The following PPP3CA variants were observed in gnomAD, a reference collection of about 807,000 sequenced individuals.
The protein encoded by PPP3CA is CAM-PRP catalytic subunit.
A neutral mutation model predicts 66.5 loss-of-function variants in PPP3CA; 14 were observed. The ratio of observed to expected loss-of-function variants is 0.21; its 90% confidence interval spans 0.14 to 0.33. The LOEUF (loss-of-function observed/expected upper bound fraction) is 0.33. Among genes scored for constraint, PPP3CA ranks in the 10% least tolerant of loss-of-function variants. The pLI, the probability that PPP3CA is intolerant of heterozygous loss-of-function variation, is 1.00. For synonymous variants in PPP3CA, 232 were observed against 226.2 expected (o/e 1.03, Z -0.23); for missense variants, 317 against 639.5 (o/e 0.50, Z 5.44).
chr4:101,126,102 G>A (rs189323099), intron 2 of PPP3CA, among the ~76,000 whole-genome samples: 8 of 152,304 alleles, frequency 5.3e-5, no homozygotes, highest in African/African-American at 1.2e-4. Flanking sequence ...AATAATGCAT[G>A]AGTTAAATTA....
chr4:101,206,954 A>G (rs963371175), intron 1 of PPP3CA, among the ~76,000 whole-genome samples: 1 of 152,208 alleles, frequency 6.6e-6, no homozygotes, highest in Non-Finnish European at 1.5e-5. Context: ...TGGATGCCAC[A>G]TGGTGTGGGG....
chr4:101,109,435 C>G (rs762445528), intron 2 of PPP3CA, among the ~76,000 whole-genome samples: 1 of 151,350 alleles, frequency 6.6e-6, no homozygotes, highest in Non-Finnish European at 1.5e-5. Flanking sequence ...CCTAAAAATG[C>G]CATGAGATAT....
intron 3 of PPP3CA, among the ~76,000 whole-genome samples, chr4:101,101,221 T>C (rs1466008393): frequency 6.6e-6 from 1 of 152,180 alleles, no homozygotes; most frequent in Non-Finnish European, 1.5e-5. Context: ...TAAAGCATCA[T>C]GATCTGTTGA....
intron 2 of PPP3CA, among the ~76,000 whole-genome samples, chr4:101,156,658 G>A (rs1217667809): frequency 3.4e-5 from 5 of 148,188 alleles, no homozygotes; most frequent in African/African-American, 7.7e-5. Flanking sequence ...CAACAAGAGC[G>A]AAACTGTGTC....
At chr4:101,169,334 AAAGAC>A (rs1723795578) in intron 2 of PPP3CA, among the ~76,000 whole-genome samples, 2 of 152,192 alleles carry the variant, frequency 1.3e-5, no homozygotes, top group Non-Finnish European at 1.5e-5. Context: ...AGTCAGCAGC[AAAGAC>A]AAGAATGAAT....
intron 1 of PPP3CA, among the ~76,000 whole-genome samples, chr4:101,272,347 G>A (rs905955914): frequency 6.6e-6 from 1 of 152,034 alleles, no homozygotes; most frequent in African/African-American, 2.4e-5. Flanking sequence ...TTATAAGTAC[G>A]TGGCAGTCAG....
In PPP3CA at chr4:101,170,784, T is replaced by C. The variant is rs12510485; in HGVS notation, c.259+25132A>G. ...GCCTATAATTAATCATTCTTATCTG[T>C]TCCCCAAATATCTTAAGCTTTCAAA... On this transcript the variant is annotated intron_variant, in intron 2 of 13. Coordinates refer to ENST00000394854, the MANE Select transcript of PPP3CA (RefSeq NM_000944.5). Among the ~76,000 whole-genome samples, 566 of 152,294 alleles carry C rather than the reference T, an allele frequency of 3.7e-3. 12 individuals carry two copies. The East Asian group carries it at 0.047, about 13-fold the overall frequency.
rs1028292739 is a variant in PPP3CA at position 101,024,602 on chromosome 4, GAACAA to G, written c.*1258_*1262del. On this transcript the variant is annotated 3_prime_UTR_variant, in exon 14 of 14. Coordinates refer to ENST00000394854, the MANE Select transcript of PPP3CA (RefSeq NM_000944.5). ...ATATTTTGTGGCACATGACAGAACA[GAACAA>G]AATAACTAAACTGTTATGACATTAA... 6 of 152,566 alleles carry G rather than the reference GAACAA, an allele frequency of 3.9e-5. No homozygotes were observed. Among genetic ancestry groups the G allele is most frequent in the African/African-American group, 1.4e-4 (6 of 41,440 alleles). 9.5% of individuals were successfully genotyped at this position (152,566 alleles called of 1,614,324 possible).
At chr4:101,217,338 C>T (rs1451356603) in intron 1 of PPP3CA, among the ~76,000 whole-genome samples, 1 of 152,136 alleles carries the variant, frequency 6.6e-6, no homozygotes, top group Non-Finnish European at 1.5e-5. Context: ...TGGATGCACA[C>T]TCAGGTATAT....
intron 1 of PPP3CA, among the ~76,000 whole-genome samples, chr4:101,234,213 C>A (rs570712387): frequency 6.6e-6 from 1 of 151,928 alleles, no homozygotes; most frequent in Middle Eastern, 3.4e-3. Context: ...TATATGTGTG[C>A]ATATATCTTT....
At chr4:101,310,321 C>T (rs1386803787) in intron 1 of PPP3CA, among the ~76,000 whole-genome samples, 1 of 152,164 alleles carries the variant, frequency 6.6e-6, no homozygotes, top group African/African-American at 2.4e-5. Context: ...TTAATGTAAT[C>T]ACACAAGACC....
intron 1 of PPP3CA, among the ~76,000 whole-genome samples, chr4:101,221,455 G>A (rs1388454680): frequency 1.2e-5 from 1 of 81,144 alleles, no homozygotes; most frequent in Non-Finnish European, 3.4e-5. Context: ...AAAATAAAAC[G>A]CATATTTTGA....
At chr4:101,147,149 C>G (rs1016886395) in intron 2 of PPP3CA, among the ~76,000 whole-genome samples, 1 of 152,176 alleles carries the variant, frequency 6.6e-6, no homozygotes, top group Non-Finnish European at 1.5e-5. Context: ...GAAGTCTAGG[C>G]TATTCCCATT....
chr4:101,207,913 T>C (rs1370055475), intron 1 of PPP3CA, among the ~76,000 whole-genome samples: 2 of 152,172 alleles, frequency 1.3e-5, no homozygotes, highest in Non-Finnish European at 2.9e-5. Context: ...AGAATAATGT[T>C]AATTCCCATG....
At chr4:101,029,257 T>TAAGA in intron 12 of PPP3CA, 62 bp from the exon 13 acceptor site, 1 of 1,433,592 alleles carries the variant, frequency 7.0e-7, no homozygotes, top group Non-Finnish European at 9.7e-7. Flanking sequence ...TTTTTAACTC[T>TAAGA]AAGAACAAAT....
chr4:101,252,847 T>C (rs1726721643), intron 1 of PPP3CA, among the ~76,000 whole-genome samples: 1 of 152,154 alleles, frequency 6.6e-6, no homozygotes, highest in Non-Finnish European at 1.5e-5. Context: ...TGCTCTCATA[T>C]CAGTTTCAGT....
intron 2 of PPP3CA, among the ~76,000 whole-genome samples, chr4:101,125,178 T>C (rs1440921424): frequency 6.6e-6 from 1 of 152,220 alleles, no homozygotes; most frequent in Non-Finnish European, 1.5e-5. Flanking sequence ...TTTGCAAATC[T>C]TGCCATTCAC....
chr4:101,106,437 GAAAGAAAGAAAGAAAGAGAAAA>G lies in PPP3CA; in HGVS notation c.384+2495_384+2516del, dbSNP rs1560604946. On this transcript the variant is annotated intron_variant, in intron 3 of 13. Coordinates refer to ENST00000394854, the MANE Select transcript of PPP3CA (RefSeq NM_000944.5). ...AGAAAGAAAGAAAGAAAGAAAGAAAGAAAGAAAGAAAGAAAGAGAAAAGAAAAGAAAAGAAAAGAAAAGAAAA... is the reference window on the plus strand; with the variant it reads ...AGAAAGAAAGAAAGAAAGAAAGAAAGGAAAAGAAAAGAAAAGAAAAGAAAA... Among the ~76,000 whole-genome samples the G allele has an allele frequency of 2.8e-3, 34 of 12,146 alleles. 10 individuals are homozygous for G. Among genetic ancestry groups the G allele is most frequent in the African/African-American group, 8.7e-3 (33 of 3,778 alleles). The allele number at this position is 12,146 out of a possible 152,430, so 8.0% of individuals were successfully genotyped here. A position where few individuals can be genotyped will look rare whatever the true frequency, so the allele number is the denominator to read the frequency against.
At chr4:101,207,787 C>G (rs971068474) in intron 1 of PPP3CA, among the ~76,000 whole-genome samples, 3 of 151,750 alleles carry the variant, frequency 2.0e-5, no homozygotes, top group African/African-American at 4.8e-5. Flanking sequence ...GATCACACCA[C>G]TGCAATCCAG....
Sources: gnomAD v4.1 joint callset for allele counts (sites outside exome capture counted in the v4.1 genomes callset) on GRCh38, gnomAD v4.1.1 for gene constraint, MANE v1.5 for transcripts, NCBI Gene and HGNC (gene_info 2026-07-23, HGNC 2026-07-21) for gene names.